Variants in ST7L observed in about 807,000 individuals in gnomAD.
ST7L encodes the protein suppression of tumorigenicity 7 like.
In ST7L, 57 loss-of-function variants were observed where a neutral mutation model predicts 72.5. The observed-to-expected ratio is 0.79, with a 90% CI of 0.64 to 0.98. The LOEUF is 0.98. Among genes scored for constraint, ST7L ranks in the 50% least tolerant of loss-of-function variants. The pLI is 0.00. For synonymous variants in ST7L, 221 were observed against 240.9 expected (o/e 0.92, Z 0.77); for missense variants, 576 against 672.2 (o/e 0.86, Z 1.58).
chr1:112,613,782 C>T (rs1383095892), intron 2 of ST7L, among the ~76,000 whole-genome samples: 2 of 152,052 alleles, frequency 1.3e-5, no homozygotes, highest in Non-Finnish European at 2.9e-5. Context: ...GGCTGGAGTG[C>T]AGTAGCATGA....
chr1:112,556,352 A>G (rs985567774), intron 11 of ST7L, among the ~76,000 whole-genome samples: 1 of 152,188 alleles, frequency 6.6e-6, no homozygotes, highest in Non-Finnish European at 1.5e-5. Flanking sequence ...AAAATTACAC[A>G]TTTTTTATTT....
At chr1:112,567,898 A>T (rs1661303895) in intron 11 of ST7L, among the ~76,000 whole-genome samples, 1 of 152,214 alleles carries the variant, frequency 6.6e-6, no homozygotes, top group Non-Finnish European at 1.5e-5. Flanking sequence ...TACTTTAAAA[A>T]TCATCAATAA....
At chr1:112,534,978 C>T (rs1393016636) in intron 14 of ST7L, among the ~76,000 whole-genome samples, 2 of 152,118 alleles carry the variant, frequency 1.3e-5, no homozygotes, top group East Asian at 1.9e-4. Context: ...CTTCTGTGAA[C>T]CTCATACTTG....
intron 11 of ST7L, among the ~76,000 whole-genome samples, chr1:112,569,042 G>T (rs1347088464): frequency 6.6e-6 from 1 of 151,572 alleles, no homozygotes; most frequent in Non-Finnish European, 1.5e-5. Context: ...ATACCCATTG[G>T]GATAACTATA....
chr1:112,618,856 C>G, intron 1 of ST7L, 53 bp downstream of exon 1: 1 of 1,540,088 alleles, frequency 6.5e-7, no homozygotes, highest in Non-Finnish European at 8.8e-7. Flanking sequence ...GGCTCTTGCC[C>G]CCGACATCTC....
intron 14 of ST7L, among the ~76,000 whole-genome samples, chr1:112,533,374 A>G (rs908864150): frequency 6.6e-6 from 1 of 151,702 alleles, no homozygotes; most frequent in Non-Finnish European, 1.5e-5. Context: ...GCTGGAGTGC[A>G]GTGGCGTGAT....
intron 14 of ST7L, among the ~76,000 whole-genome samples, chr1:112,535,411 A>T (rs925502893): frequency 6.6e-6 from 1 of 150,918 alleles, no homozygotes; most frequent in Non-Finnish European, 1.5e-5. Context: ...AAGAAGAAGA[A>T]GAAGAAGAAG....
intron 14 of ST7L, chr1:112,529,319 C>T (rs1189184715): frequency 6.6e-6 from 1 of 152,132 alleles, no homozygotes; most frequent in Non-Finnish European, 1.5e-5. Context: ...TAGTTCTCTT[C>T]CCTCCCCTAG....
At chr1:112,552,138 T>C (rs1429553675) in intron 12 of ST7L, among the ~76,000 whole-genome samples, 1 of 152,112 alleles carries the variant, frequency 6.6e-6, no homozygotes, top group Non-Finnish European at 1.5e-5. Flanking sequence ...ACTGAGACAA[T>C]TTAGATACAC....
intron 11 of ST7L, among the ~76,000 whole-genome samples, chr1:112,567,017 T>C (rs1012281807): frequency 1.3e-5 from 2 of 152,226 alleles, no homozygotes; most frequent in Non-Finnish European, 2.9e-5. Flanking sequence ...ATATATTTAA[T>C]TGTATCAGAA....
chr1:112,518,882 G>A (rs1570801181), downstream of ST7L, among the ~76,000 whole-genome samples: 1 of 152,184 alleles, frequency 6.6e-6, no homozygotes, highest in African/African-American at 2.4e-5. Context: ...TGATAGAAAT[G>A]TTTTCCTATC....
At chr1:112,518,529 C>T (rs1171993308), downstream of ST7L, 1 of 152,148 alleles carries the variant, frequency 6.6e-6, no homozygotes, top group Non-Finnish European at 1.5e-5. Context: ...AAGAAAAAAA[C>T]TTGGAGCCCT....
chr1:112,613,972 C>T (rs1669467507), intron 2 of ST7L, among the ~76,000 whole-genome samples: 1 of 152,132 alleles, frequency 6.6e-6, no homozygotes, highest in Non-Finnish European at 1.5e-5. Flanking sequence ...ACAAGCAATC[C>T]TCCTGCCTCA....
downstream of ST7L, chr1:112,522,029 CTTTCTT>C (rs1652908080): frequency 2.0e-5 from 3 of 151,418 alleles, no homozygotes; most frequent in African/African-American, 4.9e-5. Context: ...TCTTTTTTTT[CTTTCTT>C]TTTATTTCTT....
chr1:112,524,014 A>AAAAAAAAACAAAAACAAAC lies in ST7L; in HGVS notation c.*1998_*1999insGTTTGTTTTTGTTTTTTTT, dbSNP rs1653041971. 4 of 152,242 alleles carry AAAAAAAAACAAAAACAAAC rather than the reference A, an allele frequency of 2.6e-5. No homozygotes were observed. In the South Asian group the frequency reaches 8.3e-4, roughly 32 times the overall value. 9.4% of individuals were successfully genotyped at this position (152,242 alleles called of 1,614,324 possible). A position where few individuals can be genotyped will look rare whatever the true frequency, so the allele number is the denominator to read the frequency against. On this transcript the variant is annotated 3_prime_UTR_variant, in exon 15 of 15. Coordinates refer to ENST00000358039, the MANE Select transcript of ST7L (RefSeq NM_017744.5). ...GCTTCAGATTAAAAAAAAAAACAAA[A>AAAAAAAAACAAAAACAAAC]AACAAAAAACAAAAACAAACATTGC...
intron 3 of ST7L, among the ~76,000 whole-genome samples, chr1:112,609,509 C>G (rs1668747672): frequency 7.4e-6 from 1 of 134,662 alleles, no homozygotes; most frequent in Admixed American, 7.7e-5. Flanking sequence ...CTAGCCTGGG[C>G]TACAGAGACT....
chr1:112,577,884 G>C (rs1663405487), intron 10 of ST7L, among the ~76,000 whole-genome samples: 1 of 152,154 alleles, frequency 6.6e-6, no homozygotes, highest in Non-Finnish European at 1.5e-5. Flanking sequence ...ACTAAGAGTA[G>C]CCAAAAATAC....
intron 5 of ST7L, among the ~76,000 whole-genome samples, chr1:112,595,197 C>A (rs190420614): frequency 6.6e-5 from 10 of 151,742 alleles, no homozygotes; most frequent in Non-Finnish European, 7.4e-5. Flanking sequence ...GAAACCCTGT[C>A]TCTACTAAAA....
chr1:112,552,666 A>T (rs1658426012), intron 12 of ST7L, among the ~76,000 whole-genome samples: 1 of 152,130 alleles, frequency 6.6e-6, no homozygotes, highest in African/African-American at 2.4e-5. Flanking sequence ...AGCCTCCCAA[A>T]GTTCTGGGAT....
Sources: gnomAD v4.1 joint callset for allele counts (sites outside exome capture counted in the v4.1 genomes callset) on GRCh38, gnomAD v4.1.1 for gene constraint, MANE v1.5 for transcripts, NCBI Gene and HGNC (gene_info 2026-07-23, HGNC 2026-07-21) for gene names.